Variants in HAAO observed in about 807,000 individuals in gnomAD.
HAAO encodes 3-hydroxyanthranilate 3,4-dioxygenase.
In HAAO, 49 loss-of-function variants were observed where a neutral mutation model predicts 46.2. That is an observed-to-expected ratio of 1.06 (90% CI 0.84 to 1.34). HAAO has a LOEUF of 1.34. HAAO is among the 40% of genes most tolerant of loss of function. The probability of loss-of-function intolerance (pLI) is 0.00; values close to 1 mark genes in which losing one functional copy is unlikely to be tolerated. For missense variants in HAAO, 408 were observed against 364.5 expected, an observed-to-expected ratio of 1.12 and a Z score of -0.97; for synonymous variants, 157 against 145.2, an observed-to-expected ratio of 1.08 and a Z score of -0.58.
At position 42,767,439 on chromosome 2, in the gene HAAO, A is replaced by G; in HGVS notation, c.859T>C (p.Ter287ArgextTer?). ...TGCTTCAGGCCATGGCAAGAGGGTCACCCCAGGGGCTTCTTGCAGGCAGGG... is the reference window on the plus strand; with the variant it reads ...TGCTTCAGGCCATGGCAAGAGGGTCGCCCCAGGGGCTTCTTGCAGGCAGGG... ...QDPACKKPLG[*>R] Residue 287 changes from the stop codon to arginine, a stop_lost, in exon 10 of 10, where the codon TGA becomes CGA. Transcript: ENST00000294973. 1 of 1,610,242 alleles carries G rather than the reference A, an allele frequency of 6.2e-7. No homozygotes were observed. Among genetic ancestry groups the G allele is most frequent in the South Asian group, 1.1e-5 (1 of 90,698 alleles).
Position 42,782,711 on chromosome 2 carries a change from T to G in HAAO, c.350+603A>C, listed in dbSNP as rs536635429. ...CATAAATGCATATCTGATTGCCTCC[T>G]TTGGAGAGGCTAATCAGAAACTCAA... On this transcript the variant is annotated intron_variant, in intron 4 of 9. Coordinates refer to ENST00000294973, the MANE Select transcript of HAAO (RefSeq NM_012205.3). The G allele has an allele frequency of 1.1e-4, 28 of 257,576 alleles. 1 individual carries two copies. In the East Asian group the frequency reaches 3.2e-3, roughly 29 times the overall value. 16.0% of individuals were successfully genotyped at this position (257,576 alleles called of 1,614,324 possible). A position where few individuals can be genotyped will look rare whatever the true frequency, so the allele number is the denominator to read the frequency against.
chr2:42,784,987 T>G (rs1429574288), intron 2 of HAAO, among the ~76,000 whole-genome samples: 1 of 152,214 alleles, frequency 6.6e-6, no homozygotes, highest in Admixed American at 6.5e-5. Flanking sequence ...GAGACCTCAG[T>G]TCATCAGAGA....
At chr2:42,769,602 T>TGA in intron 7 of HAAO, 111 bp downstream of exon 7, 1 of 729,900 alleles carries the variant, frequency 1.4e-6, no homozygotes, top group Non-Finnish European at 2.1e-6. Flanking sequence ...TGTGTGTGTG[T>TGA]GTGAGTGTGT....
chr2:42,767,192 C>A lies in HAAO; in HGVS notation c.*245G>T, dbSNP rs995728730. 2.7e-5 allele frequency: 16 copies of A among 595,502 alleles called. No homozygotes were observed. The Admixed American group carries it at 4.0e-4, about 15-fold the overall frequency. The allele number at this position is 595,502 out of a possible 1,614,324, so 36.9% of individuals were successfully genotyped here. On this transcript the variant is annotated 3_prime_UTR_variant, in exon 10 of 10. Transcript: ENST00000294973. ...GGCAGGAGCGGGGCCGGGGGTAGACCACCTGGCAAGACTGGCAAGGCAGTG... is the reference window on the plus strand; with the variant it reads ...GGCAGGAGCGGGGCCGGGGGTAGACAACCTGGCAAGACTGGCAAGGCAGTG...
At position 42,767,653 on chromosome 2, in the gene HAAO, C is replaced by A. The variant is rs570913602; in HGVS notation, c.724G>T (p.Gly242Trp). 6 of 1,568,142 alleles carry A rather than the reference C, an allele frequency of 3.8e-6. No individual in the cohort carries two copies. The South Asian group carries it at 4.6e-5, about 12-fold the overall frequency. ...GGGGCCAGGCTCAGGCGCCGTCCCC[C>A]CATTGTCACCACCGAGGAGCCCTCC... ...QLEGSSVVTM[G>W]GRRLSLAPDD... Residue 242 changes from glycine (G) to tryptophan (W), a missense_variant, in exon 9 of 10, where the codon GGG becomes TGG. Physicochemically the swap from Gly to Trp is radical, Grantham distance 184 (BLOSUM62 -2). Transcript: ENST00000294973.
At chr2:42,789,403 C>T (rs1420319868) in intron 1 of HAAO, among the ~76,000 whole-genome samples, 2 of 152,116 alleles carry the variant, frequency 1.3e-5, no homozygotes, top group African/African-American at 4.8e-5. Flanking sequence ...AACCCTGTCT[C>T]TACTAAAAAT....
chr2:42,778,702 A>G (rs1173271841), intron 4 of HAAO, among the ~76,000 whole-genome samples: 1 of 152,194 alleles, frequency 6.6e-6, no homozygotes, highest in Non-Finnish European at 1.5e-5. Context: ...GCCAATCAAA[A>G]TAAACTGCAT....
rs150537416 is a variant in HAAO, at chr2:42,767,878, G to A, written c.681C>T (p.Asp227=). Residue 227 remains aspartate (D), a synonymous_variant, in exon 8 of 10, where the codon GAC becomes GAT. Transcript: ENST00000294973. ...GSSEGLRQNV[D]VWLWQLEGSS... is the part of the protein sequence containing the mutation. ...CACTTGCCAGCTGCCACAGCCACAC[G>A]TCCACATTCTGTCTCAGGCCTTCGC... 2.3e-3 allele frequency: 3,675 copies of A among 1,614,010 alleles called. 7 individuals carry two copies. Among genetic ancestry groups the A allele is most frequent in the Non-Finnish European group, 2.9e-3 (3,433 of 1,179,858 alleles).
chr2:42,783,740 G>A, intron 3 of HAAO, 44 bp downstream of exon 3: 1 of 1,533,488 alleles, frequency 6.5e-7, no homozygotes, highest in Non-Finnish European at 9.0e-7. Context: ...GATTCCAGCT[G>A]TGGCCGCCTT....
chr2:42,790,770 G>A (rs1389721846), intron 1 of HAAO, among the ~76,000 whole-genome samples: 1 of 152,096 alleles, frequency 6.6e-6, no homozygotes, highest in Admixed American at 6.5e-5. Context: ...GACCCCAAAT[G>A]ATCCACCCAC....
intron 4 of HAAO, among the ~76,000 whole-genome samples, chr2:42,780,507 A>G (rs2104657451): frequency 6.6e-6 from 1 of 151,902 alleles, no homozygotes; most frequent in South Asian, 2.1e-4. Flanking sequence ...CGCCCGGCGA[A>G]CACAGGTGTT....
At chr2:42,783,478 C>T (rs920109550) in intron 3 of HAAO, 58 bp from the exon 4 acceptor site, 39 of 1,106,736 alleles carry the variant, frequency 3.5e-5, no homozygotes, top group Non-Finnish European at 4.1e-5. Context: ...GAGACCTTAG[C>T]GCCCCCAACA....
intron 1 of HAAO, among the ~76,000 whole-genome samples, chr2:42,790,019 AGCCTAGAGGCT>A: frequency 6.6e-6 from 1 of 152,298 alleles, no homozygotes; most frequent in Non-Finnish European, 1.5e-5. Flanking sequence ...AGGGCACAGC[AGCCTAGAGGCT>A]GCCTGCATGG....
chr2:42,781,874 CA>C lies in HAAO; in HGVS notation c.350+1439del, dbSNP rs200272527. On this transcript the variant is annotated intron_variant, in intron 4 of 9. Coordinates refer to ENST00000294973, the MANE Select transcript of HAAO (RefSeq NM_012205.3). ...GGGCAACAAGAGTGAAACTTTGTCTCAAAAAAAAAAAAATTATTCTTGCTGC... is the reference window on the plus strand; with the variant it reads ...GGGCAACAAGAGTGAAACTTTGTCTCAAAAAAAAAAAATTATTCTTGCTGC... 1.4e-3 allele frequency among the ~76,000 whole-genome samples: 204 copies of C among 143,620 alleles called. 1 individual carries two copies. The highest frequency in any genetic ancestry group is 3.5e-3 in the East Asian group (17 of 4,926). The allele number at this position is 143,620 out of a possible 152,430, so 94.2% of individuals were successfully genotyped here.
chr2:42,771,298 G>A (rs1289738069), intron 4 of HAAO, among the ~76,000 whole-genome samples: 1 of 152,028 alleles, frequency 6.6e-6, no homozygotes, highest in African/African-American at 2.4e-5. Context: ...CATGCTGGCA[G>A]GGGACTGTAA....
intron 3 of HAAO, 99 bp from the exon 4 acceptor site, chr2:42,783,519 G>A: frequency 1.3e-6 from 1 of 777,378 alleles, no homozygotes; most frequent in South Asian, 1.6e-5. Context: ...CCCCCGGGCA[G>A]CAAAGGGGTA....
intron 4 of HAAO, among the ~76,000 whole-genome samples, chr2:42,772,423 G>A (rs1671205116): frequency 6.6e-6 from 1 of 151,042 alleles, no homozygotes; most frequent in Admixed American, 6.6e-5. Flanking sequence ...AGAGGTTGCA[G>A]TGAGCCGAGA....
intron 1 of HAAO, chr2:42,788,949 A>G: frequency 3.1e-6 from 1 of 318,728 alleles, no homozygotes; most frequent in Non-Finnish European, 6.1e-6. Context: ...TAGCAAATTG[A>G]AGACCCCTTC....
chr2:42,768,077 CTTGG>C (rs1670806079), intron 7 of HAAO, 149 bp from the exon 8 acceptor site: 7 of 676,866 alleles, frequency 1.0e-5, no homozygotes, highest in Non-Finnish European at 2.5e-6. Context: ...GAGACCAGGA[CTTGG>C]AGAGGAGGGC....
Sources: gnomAD v4.1 joint callset for allele counts (sites outside exome capture counted in the v4.1 genomes callset) on GRCh38, gnomAD v4.1.1 for gene constraint, MANE v1.5 for transcripts, NCBI Gene and HGNC (gene_info 2026-07-23, HGNC 2026-07-21) for gene names.